TIPRL: variants seen among roughly 807,000 people sequenced by gnomAD.
TIPRL encodes the protein TOR signaling pathway regulator.
In TIPRL, 10 loss-of-function variants were observed where a neutral mutation model predicts 32.3. That is an observed-to-expected ratio of 0.31 (90% CI 0.19 to 0.52). The LOEUF is 0.52. TIPRL is among the 20% of genes least tolerant of loss of function. TIPRL has a pLI of 0.96. For missense variants in TIPRL, 250 were observed against 328.1 expected (o/e 0.76, Z 1.84); for synonymous variants, 100 against 114.0 (o/e 0.88, Z 0.78).
intron 1 of TIPRL, among the ~76,000 whole-genome samples, chr1:168,183,269 G>A (rs1304164294): frequency 6.6e-6 from 1 of 151,666 alleles, no homozygotes; most frequent in Non-Finnish European, 1.5e-5. Context: ...GCCATTATAA[G>A]TATTAATGTG....
intron 4 of TIPRL, among the ~76,000 whole-genome samples, chr1:168,194,335 G>T (rs189980298): frequency 6.6e-6 from 1 of 152,232 alleles, no homozygotes; most frequent in East Asian, 1.9e-4. Context: ...GCTTATTGAT[G>T]TGACAAGAAA....
At position 168,179,189 on chromosome 1, in the gene TIPRL, T is replaced by C; in HGVS notation, c.104+8T>C. The C allele has an allele frequency of 6.2e-7, 1 of 1,613,514 alleles. No homozygotes were observed. The highest frequency in any genetic ancestry group is 1.1e-5 in the South Asian group (1 of 91,026). ...GTCGGCGGATGTGGAGAAGTGAGGCTTCGGGGCACGGGGTCTGGGCGCTGG... is the reference window on the plus strand; with the variant it reads ...GTCGGCGGATGTGGAGAAGTGAGGCCTCGGGGCACGGGGTCTGGGCGCTGG... On this transcript the variant is annotated splice_region_variant and intron_variant, in intron 1 of 6. Transcript: ENST00000367833.
chr1:168,191,500 T>G lies in TIPRL; in HGVS notation c.516T>G (p.Ile172Met), dbSNP rs1423235090. The G allele has an allele frequency of 1.5e-5, 22 of 1,489,312 alleles. No individual in the cohort carries two copies. In the Admixed American group the frequency reaches 5.9e-4, roughly 40 times the overall value. 92.3% of individuals were successfully genotyped at this position (1,489,312 alleles called of 1,614,324 possible). A position where few individuals can be genotyped will look rare whatever the true frequency, so the allele number is the denominator to read the frequency against. ...GAGTTTCAAGCCTGAGTGTGAAGATTGTGAGTATTATTTTTATTTAAAATT... is the reference window on the plus strand; with the variant it reads ...GAGTTTCAAGCCTGAGTGTGAAGATGGTGAGTATTATTTTTATTTAAAATT... ...DHGVSSLSVK[I>M]RVMPSSFFLL... The change falls in exon 4 of 7, where the codon ATT becomes ATG. Residue 172 changes from isoleucine (I) to methionine (M), a missense_variant and splice_region_variant. Transcript: ENST00000367833.
At chr1:168,181,298 C>A (rs1699959309) in intron 1 of TIPRL, among the ~76,000 whole-genome samples, 1 of 151,662 alleles carries the variant, frequency 6.6e-6, no homozygotes, top group Non-Finnish European at 1.5e-5. Context: ...CTGTAACCTC[C>A]ACCTCCTGGG....
intron 6 of TIPRL, among the ~76,000 whole-genome samples, chr1:168,199,609 G>A (rs1700189431): frequency 6.6e-6 from 1 of 152,084 alleles, no homozygotes; most frequent in African/African-American, 2.4e-5. Context: ...GAAGACTAGT[G>A]TTTTCAAGTT....
At chr1:168,198,252 T>C (rs1322922243) in intron 5 of TIPRL, among the ~76,000 whole-genome samples, 1 of 151,476 alleles carries the variant, frequency 6.6e-6, no homozygotes, top group East Asian at 1.9e-4. Context: ...TATTATTTGA[T>C]TTTTTTCCTA....
At chr1:168,192,918 A>C (rs1700116844) in intron 4 of TIPRL, among the ~76,000 whole-genome samples, 1 of 151,918 alleles carries the variant, frequency 6.6e-6, no homozygotes, top group African/African-American at 2.4e-5. Context: ...AACAAACAAA[A>C]AACCTCTCAA....
At chr1:168,188,301 C>T (rs996770950) in intron 3 of TIPRL, among the ~76,000 whole-genome samples, 1 of 152,076 alleles carries the variant, frequency 6.6e-6, no homozygotes, top group Non-Finnish European at 1.5e-5. Flanking sequence ...TTCTGACAGG[C>T]GCTCGAGAAT....
At position 168,189,862 on chromosome 1, in the gene TIPRL, A is replaced by G. The variant is rs146276200; in HGVS notation, c.385-1507A>G. Among the ~76,000 whole-genome samples the G allele has an allele frequency of 6.9e-3, 1,048 of 152,322 alleles. 10 individuals are homozygous for G. Among genetic ancestry groups the G allele is most frequent in the African/African-American group, 0.024 (1,003 of 41,568 alleles). ...CTTTGTCTTTCATTTTATAAGAACA[A>G]GTACGTAAATGGAAAAACTGACAGA... On this transcript the variant is annotated intron_variant, in intron 3 of 6. Transcript: ENST00000367833.
intron 3 of TIPRL, among the ~76,000 whole-genome samples, chr1:168,185,164 G>A (rs929003481): frequency 3.9e-5 from 6 of 152,082 alleles, no homozygotes; most frequent in South Asian, 4.2e-4. Flanking sequence ...AATGTGTTTC[G>A]GGCCTTGGTA....
At chr1:168,192,669 C>T (rs1700112913) in intron 4 of TIPRL, among the ~76,000 whole-genome samples, 1 of 152,188 alleles carries the variant, frequency 6.6e-6, no homozygotes, top group Non-Finnish European at 1.5e-5. Context: ...GAGGCCGAGG[C>T]GGGCGGATCA....
intron 1 of TIPRL, 64 bp downstream of exon 1, chr1:168,179,245 C>T (rs1283665082): frequency 2.0e-6 from 3 of 1,465,672 alleles, no homozygotes; most frequent in Non-Finnish European, 1.9e-6. Flanking sequence ...GGAGGCAGGG[C>T]GAACTCTGTG....
intron 3 of TIPRL, among the ~76,000 whole-genome samples, chr1:168,191,137 A>G (rs910157345): frequency 6.6e-6 from 1 of 152,200 alleles, no homozygotes; most frequent in African/African-American, 2.4e-5. Flanking sequence ...ATAAATTTTT[A>G]CTGCTTTTTT....
intron 3 of TIPRL, 84 bp downstream of exon 3, chr1:168,184,962 T>C: frequency 1.2e-6 from 1 of 813,814 alleles, no homozygotes; most frequent in Non-Finnish European, 1.9e-6. Context: ...GGGTTATTTT[T>C]TGCAACTATT....
At chr1:168,187,370 T>C (rs1487840507) in intron 3 of TIPRL, among the ~76,000 whole-genome samples, 1 of 152,192 alleles carries the variant, frequency 6.6e-6, no homozygotes, top group Non-Finnish European at 1.5e-5. Context: ...CAGCATTAGG[T>C]GTGACCAAGT....
intron 5 of TIPRL, 123 bp downstream of exon 5, chr1:168,196,765 G>T (rs1700158945): frequency 1.6e-5 from 9 of 552,168 alleles, no homozygotes; most frequent in Non-Finnish European, 2.3e-5. Context: ...TAACTGTTAA[G>T]TCTGAGTGTT....
Position 168,200,255 on chromosome 1 carries a change from T to G in TIPRL, c.*209T>G. Reference sequence around the variant, plus strand: ...TTCACATTCATATTCCAGATTTATATTTTCTGGAGTTAAATTTGGATGATT... The same window carrying G: ...TTCACATTCATATTCCAGATTTATAGTTTCTGGAGTTAAATTTGGATGATT... On this transcript the variant is annotated 3_prime_UTR_variant, in exon 7 of 7. Transcript: ENST00000367833. The G allele has an allele frequency of 6.2e-6, 3 of 484,308 alleles. No individual in the cohort carries two copies. The highest frequency in any genetic ancestry group is 5.9e-5 in the South Asian group (2 of 34,116). 30.0% of individuals were successfully genotyped at this position (484,308 alleles called of 1,614,324 possible). A position where few individuals can be genotyped will look rare whatever the true frequency, so the allele number is the denominator to read the frequency against.
intron 1 of TIPRL, among the ~76,000 whole-genome samples, chr1:168,179,817 G>GT (rs773992434): frequency 1.5e-4 from 23 of 152,068 alleles, no homozygotes; most frequent in Non-Finnish European, 2.8e-4. Context: ...GTTGTGATGC[G>GT]TTTTTGATGC....
intron 3 of TIPRL, among the ~76,000 whole-genome samples, chr1:168,188,784 G>C (rs1457594025): frequency 6.6e-6 from 1 of 152,068 alleles, no homozygotes; most frequent in East Asian, 1.9e-4. Context: ...TTCGAGACCA[G>C]CCTGGCCAAC....
Sources: gnomAD v4.1 joint callset for allele counts (sites outside exome capture counted in the v4.1 genomes callset) on GRCh38, gnomAD v4.1.1 for gene constraint, MANE v1.5 for transcripts, NCBI Gene and HGNC (gene_info 2026-07-23, HGNC 2026-07-21) for gene names.